PTPRT: variants seen among roughly 807,000 people sequenced by gnomAD.
The protein encoded by PTPRT is receptor-type tyrosine-protein phosphatase T.
A neutral mutation model predicts 176.8 loss-of-function variants in PTPRT; 56 were observed. That is an observed-to-expected ratio of 0.32 (90% CI 0.26 to 0.40). The LOEUF is 0.40. PTPRT is among the 10% of genes least tolerant of loss of function. PTPRT has a pLI of 1.00. For missense variants in PTPRT, 1,540 were observed against 1,908.2 expected (o/e 0.81, Z 3.60); for synonymous variants, 783 against 739.0 (o/e 1.06, Z -0.96).
At chr20:42,786,133 C>A (rs1270780546) in intron 3 of PTPRT, among the ~76,000 whole-genome samples, 3 of 152,142 alleles carry the variant, frequency 2.0e-5, no homozygotes, top group Non-Finnish European at 4.4e-5. Context: ...TCCCTTTCTG[C>A]CATGATTGTA....
At chr20:42,848,884 G>A (rs2078422957) in intron 2 of PTPRT, among the ~76,000 whole-genome samples, 1 of 152,070 alleles carries the variant, frequency 6.6e-6, no homozygotes, top group African/African-American at 2.4e-5. Context: ...TGAAGTCTTT[G>A]CTTAAGCCAA....
At chr20:42,256,449 G>A (rs1410688919) in intron 13 of PTPRT, among the ~76,000 whole-genome samples, 1 of 151,912 alleles carries the variant, frequency 6.6e-6, no homozygotes, top group Non-Finnish European at 1.5e-5. Context: ...CAAACAGGAG[G>A]GGTGCGAGAA....
chr20:42,967,030 G>A (rs991919399), intron 1 of PTPRT, among the ~76,000 whole-genome samples: 3 of 152,278 alleles, frequency 2.0e-5, no homozygotes, highest in Non-Finnish European at 1.5e-5. Context: ...TCAGACTTTG[G>A]AAAGGCACCT....
intron 17 of PTPRT, among the ~76,000 whole-genome samples, chr20:42,146,926 A>T (rs1988893464): frequency 6.6e-6 from 1 of 152,028 alleles, no homozygotes; most frequent in South Asian, 2.1e-4. Flanking sequence ...ATTCCCTTCC[A>T]CCTGAGTCCG....
chr20:42,467,035 A>C (rs1404722984), intron 8 of PTPRT, among the ~76,000 whole-genome samples: 1 of 152,196 alleles, frequency 6.6e-6, no homozygotes. Context: ...CACGGAGTCA[A>C]AAATGATCTA....
intron 12 of PTPRT, among the ~76,000 whole-genome samples, chr20:42,291,753 A>G (rs2057320018): frequency 1.3e-5 from 2 of 152,194 alleles, no homozygotes; most frequent in Admixed American, 1.3e-4. Context: ...CATGGCTATC[A>G]TCATAATGAA....
intron 7 of PTPRT, among the ~76,000 whole-genome samples, chr20:42,480,223 C>T (rs773135862): frequency 3.9e-5 from 6 of 152,112 alleles, no homozygotes; most frequent in East Asian, 1.9e-4. Flanking sequence ...ATGTAGGAAA[C>T]GTAGATGATA....
intron 15 of PTPRT, among the ~76,000 whole-genome samples, chr20:42,235,766 C>T (rs1288287868): frequency 6.6e-6 from 1 of 152,120 alleles, no homozygotes; most frequent in Non-Finnish European, 1.5e-5. Flanking sequence ...AGTAATGAAT[C>T]CCTGCAGACT....
chr20:42,111,339 G>C (rs1986983146), intron 22 of PTPRT, among the ~76,000 whole-genome samples: 1 of 152,168 alleles, frequency 6.6e-6, no homozygotes, highest in Admixed American at 6.5e-5. Context: ...TTTACCAAGT[G>C]TGACCTGTGC....
intron 19 of PTPRT, among the ~76,000 whole-genome samples, chr20:42,125,449 G>A (rs963112370): frequency 1.3e-5 from 2 of 152,160 alleles, no homozygotes; most frequent in Admixed American, 6.5e-5. Context: ...CACTGAGATT[G>A]AGCCTGGAGT....
intron 1 of PTPRT, among the ~76,000 whole-genome samples, chr20:43,137,387 T>C (rs954098603): frequency 6.6e-5 from 10 of 152,242 alleles, no homozygotes; most frequent in African/African-American, 2.4e-4. Context: ...ATTTCCATAC[T>C]GCCTGTGGCT....
intron 2 of PTPRT, among the ~76,000 whole-genome samples, chr20:42,850,144 C>G (rs182229232): frequency 2.0e-5 from 3 of 152,306 alleles, no homozygotes; most frequent in East Asian, 1.9e-4. Flanking sequence ...CAAGTTCCCC[C>G]CTTCAGGTTT....
At position 43,039,819 on chromosome 20, in the gene PTPRT, T is replaced by C. The variant is rs571371145; in HGVS notation, c.88+149827A>G. ...ACTTCAGTAGGCTAAGGTGGGCAGA[T>C]CACCTGAGCTCAAGAGTTCTAGACC... On this transcript the variant is annotated intron_variant, in intron 1 of 30. Transcript: ENST00000373187. Among the ~76,000 whole-genome samples the C allele has an allele frequency of 1.9e-3, 290 of 152,256 alleles. 1 individual carries two copies. The highest frequency in any genetic ancestry group is 6.7e-3 in the African/African-American group (279 of 41,550).
chr20:42,453,125 A>T (rs191270684), intron 8 of PTPRT, among the ~76,000 whole-genome samples: 59 of 152,274 alleles, frequency 3.9e-4, no homozygotes, highest in South Asian at 3.7e-3. Flanking sequence ...CTTCTTTTGC[A>T]AAGCTTTTTG....
At chr20:42,571,419 A>G (rs1260596544) in intron 7 of PTPRT, among the ~76,000 whole-genome samples, 1 of 152,204 alleles carries the variant, frequency 6.6e-6, no homozygotes, top group African/African-American at 2.4e-5. Flanking sequence ...GCCTCTAGAT[A>G]CTACAGAATG....
chr20:42,220,282 A>T (rs1377659448), intron 15 of PTPRT, among the ~76,000 whole-genome samples: 1 of 152,218 alleles, frequency 6.6e-6, no homozygotes. Context: ...AAGCTGGAAG[A>T]CTCAGTATTG....
rs1298002298 is a variant in PTPRT, at chr20:43,139,398, C to G, written c.88+50248G>C. Among the ~76,000 whole-genome samples, 4 of 152,176 alleles carry G rather than the reference C, an allele frequency of 2.6e-5. No homozygotes were observed. In the East Asian group the frequency reaches 5.8e-4, roughly 22 times the overall value. The stretch of plus-strand genomic sequence containing the variant: ...ATTTTTCCTGAATTAGAATTAAAGG[C>G]CTTGGAGAAGCTCCGAGCAGTGCAA... On this transcript the variant is annotated intron_variant, in intron 1 of 30. Transcript: ENST00000373187.
chr20:42,703,816 C>T (rs1032152663), intron 6 of PTPRT, among the ~76,000 whole-genome samples: 1 of 152,146 alleles, frequency 6.6e-6, no homozygotes, highest in Non-Finnish European at 1.5e-5. Flanking sequence ...CACACGAGCT[C>T]TCTGCGGCTT....
chr20:42,645,485 C>T (rs1408268118), intron 7 of PTPRT, among the ~76,000 whole-genome samples: 1 of 152,150 alleles, frequency 6.6e-6, no homozygotes, highest in Non-Finnish European at 1.5e-5. Context: ...CCTGAGCCTT[C>T]ACTGTGTTTT....
Sources: gnomAD v4.1 joint callset for allele counts (sites outside exome capture counted in the v4.1 genomes callset) on GRCh38, gnomAD v4.1.1 for gene constraint, MANE v1.5 for transcripts, NCBI Gene and HGNC (gene_info 2026-07-23, HGNC 2026-07-21) for gene names.